The following CDH6 variants were observed in gnomAD, a reference collection of about 807,000 sequenced individuals.
CDH6 encodes cadherin-6.
A neutral mutation model predicts 78.0 loss-of-function variants in CDH6; 31 were observed. The observed-to-expected ratio is 0.40, with a 90% CI of 0.30 to 0.54. The LOEUF is 0.54. Among genes scored for constraint, CDH6 ranks in the 20% least tolerant of loss-of-function variants. The pLI is 0.56. For synonymous variants in CDH6, 376 were observed against 368.8 expected (o/e 1.02, Z -0.23); for missense variants, 724 against 975.9 (o/e 0.74, Z 3.44).
In CDH6 at chr5:31,323,863, C is replaced by T. The variant is rs1408025069; in HGVS notation, c.*555C>T. 4.4e-6 allele frequency: 1 copy of T among 229,766 alleles called. No individual in the cohort carries two copies. Among genetic ancestry groups the T allele is most frequent in the Non-Finnish European group, 8.6e-6 (1 of 116,014 alleles). 14.2% of individuals were successfully genotyped at this position (229,766 alleles called of 1,614,324 possible). ...TCTGCCATCAACTACTATTCAAAAC[C>T]TCAAATCCACCCATATGTTAAAATT... On this transcript the variant is annotated 3_prime_UTR_variant, in exon 12 of 12. Coordinates refer to ENST00000265071, the MANE Select transcript of CDH6 (RefSeq NM_004932.4).
chr5:31,302,902 AAAAAGAAAGAAAG>A (rs1579900875), intron 6 of CDH6, among the ~76,000 whole-genome samples: 1 of 135,818 alleles, frequency 7.4e-6, no homozygotes, highest in East Asian at 2.1e-4. Flanking sequence ...AAAGAAAGAA[AAAAAGAAAGAAAG>A]AAAGAAAGAA....
chr5:31,197,783 T>C (rs1430828981), intron 1 of CDH6, among the ~76,000 whole-genome samples: 1 of 152,216 alleles, frequency 6.6e-6, no homozygotes, highest in South Asian at 2.1e-4. Flanking sequence ...CCCTTGGGAT[T>C]TTTATTTTAT....
intron 1 of CDH6, among the ~76,000 whole-genome samples, chr5:31,212,228 G>C (rs1394368258): frequency 1.3e-5 from 2 of 152,174 alleles, no homozygotes; most frequent in Non-Finnish European, 2.9e-5. Flanking sequence ...CCTAGCATGT[G>C]AAAATACCCC....
intron 1 of CDH6, among the ~76,000 whole-genome samples, chr5:31,247,961 C>A (rs1290394555): frequency 6.6e-6 from 1 of 152,136 alleles, no homozygotes; most frequent in African/African-American, 2.4e-5. Context: ...TTGCTAAAAT[C>A]TTATTCTGGA....
intron 8 of CDH6, among the ~76,000 whole-genome samples, chr5:31,313,857 A>T (rs1231034723): frequency 6.6e-6 from 1 of 152,210 alleles, no homozygotes; most frequent in Admixed American, 6.5e-5. Context: ...CATTGTTTAG[A>T]AAATTTTAGA....
intron 11 of CDH6, among the ~76,000 whole-genome samples, chr5:31,320,810 C>T (rs1738459686): frequency 6.6e-6 from 1 of 152,018 alleles, no homozygotes; most frequent in South Asian, 2.1e-4. Context: ...GAAACCTCGT[C>T]TCTACTAAAA....
rs1335925067 is a variant in CDH6, at chr5:31,317,853, C to T, written c.1811C>T (p.Ala604Val). ...AACATGCAATCCTGCCATGCGGAGG[C>T]GCTCATCCACCCCACGGGACTGAGC... ...HGNMQSCHAE[A>V]LIHPTGLSTG... Residue 604 changes from alanine to valine, a missense_variant, in exon 11 of 12, where the codon GCG becomes GTG. Coordinates refer to ENST00000265071, the MANE Select transcript of CDH6 (RefSeq NM_004932.4). 6 of 1,614,018 alleles carry T rather than the reference C, an allele frequency of 3.7e-6. No individual in the cohort carries two copies. The highest frequency in any genetic ancestry group is 4.2e-6 in the Non-Finnish European group (5 of 1,179,938).
At chr5:31,273,333 G>A (rs1417738292) in intron 2 of CDH6, among the ~76,000 whole-genome samples, 1 of 152,124 alleles carries the variant, frequency 6.6e-6, no homozygotes, top group African/African-American at 2.4e-5. Flanking sequence ...ACCACTTGTT[G>A]CTTCAAATAG....
intron 6 of CDH6, among the ~76,000 whole-genome samples, chr5:31,304,488 C>G (rs1416615670): frequency 6.6e-6 from 1 of 151,952 alleles, no homozygotes; most frequent in Non-Finnish European, 1.5e-5. Context: ...AGATCGAGAC[C>G]ATCCTGGCCA....
intron 1 of CDH6, chr5:31,249,999 A>G (rs1173540835): frequency 6.6e-6 from 1 of 152,246 alleles, no homozygotes; most frequent in African/African-American, 2.4e-5. Context: ...AGAAATTGGC[A>G]CTCCAGAATT....
chr5:31,275,658 TG>T (rs1742670099), intron 2 of CDH6, among the ~76,000 whole-genome samples: 1 of 152,208 alleles, frequency 6.6e-6, no homozygotes, highest in African/African-American at 2.4e-5. Flanking sequence ...AATGCTGCAT[TG>T]AACATGTGAG....
At chr5:31,212,103 G>T (rs1740725050) in intron 1 of CDH6, among the ~76,000 whole-genome samples, 1 of 152,114 alleles carries the variant, frequency 6.6e-6, no homozygotes, top group Non-Finnish European at 1.5e-5. Context: ...ATGCCCTGTT[G>T]GACATTTCTC....
intron 1 of CDH6, among the ~76,000 whole-genome samples, chr5:31,197,520 C>T (rs1740201960): frequency 6.6e-6 from 1 of 152,102 alleles, no homozygotes; most frequent in African/African-American, 2.4e-5. Flanking sequence ...ACTTTATTTA[C>T]TTCACAAAAA....
intron 2 of CDH6, among the ~76,000 whole-genome samples, chr5:31,276,022 G>C (rs1742681940): frequency 6.6e-6 from 1 of 152,204 alleles, no homozygotes; most frequent in Admixed American, 6.5e-5. Context: ...GCAACCTCGA[G>C]GGGGCAACTC....
rs1229860337 is a variant in CDH6, at chr5:31,276,675, T to A, written c.228+8974T>A. On this transcript the variant is annotated intron_variant, in intron 2 of 11. Coordinates refer to ENST00000265071, the MANE Select transcript of CDH6 (RefSeq NM_004932.4). ...AAATGCTTTTCATTCATTCAACAAT[T>A]ACTTGCTAGAGAGTGTAAGTCCATA... Among the ~76,000 whole-genome samples the A allele has an allele frequency of 6.6e-5, 10 of 152,148 alleles. No homozygotes were observed. In the East Asian group the frequency reaches 1.9e-3, roughly 29 times the overall value.
intron 1 of CDH6, among the ~76,000 whole-genome samples, chr5:31,219,687 G>A (rs1048068032): frequency 6.6e-6 from 1 of 152,110 alleles, no homozygotes; most frequent in African/African-American, 2.4e-5. Flanking sequence ...TCCCCTGATG[G>A]ATTCCAAGTT....
chr5:31,204,598 A>T (rs1230363830), intron 1 of CDH6, among the ~76,000 whole-genome samples: 1 of 152,196 alleles, frequency 6.6e-6, no homozygotes, highest in Non-Finnish European at 1.5e-5. Context: ...CTGAACATTA[A>T]TTGAGCATAT....
rs925018353 is a variant in CDH6 at position 31,325,225 on chromosome 5, T to C, written c.*1917T>C. The C allele has an allele frequency of 4.4e-6, 1 of 229,634 alleles. No individual in the cohort carries two copies. Among genetic ancestry groups the C allele is most frequent in the Non-Finnish European group, 8.6e-6 (1 of 115,806 alleles). 14.2% of individuals were successfully genotyped at this position (229,634 alleles called of 1,614,324 possible). ...TTGTGTCTTCTGAATGGTTTCCGAT[T>C]TTATAATGGACTGCCCTATATAGTA... On this transcript the variant is annotated 3_prime_UTR_variant, in exon 12 of 12. Coordinates refer to ENST00000265071, the MANE Select transcript of CDH6 (RefSeq NM_004932.4).
intron 7 of CDH6, among the ~76,000 whole-genome samples, chr5:31,309,480 A>G (rs947671914): frequency 2.0e-5 from 3 of 152,178 alleles, no homozygotes; most frequent in African/African-American, 7.2e-5. Context: ...ATTTACTTAT[A>G]TTGAATTTCT....
Sources: allele counts gnomAD v4.1 joint callset (sites outside exome capture counted in the v4.1 genomes callset), GRCh38; gene constraint gnomAD v4.1.1; transcripts MANE v1.5; gene names NCBI Gene and HGNC (gene_info 2026-07-23, HGNC 2026-07-21).